AKNA: variants seen among roughly 807,000 people sequenced by gnomAD.
The protein encoded by AKNA is AT-hook transcription factor.
A neutral mutation model predicts 138.8 loss-of-function variants in AKNA; 67 were observed. The ratio of observed to expected loss-of-function variants is 0.48; its 90% CI spans 0.40 to 0.59. AKNA has a LOEUF of 0.59. AKNA is among the 20% of genes least tolerant of loss of function. AKNA has a pLI of 0.00. For synonymous variants in AKNA, 737 were observed against 754.4 expected (o/e 0.98, Z 0.38); for missense variants, 1,813 against 1,880.4 (o/e 0.96, Z 0.66).
At chr9:114,331,975 C>T (rs760655701), downstream of AKNA, 1 of 1,543,122 alleles carries the variant, frequency 6.5e-7, no homozygotes, top group Non-Finnish European at 8.9e-7. Flanking sequence ...CATGGCCCAA[C>T]TTGGGCAGCC....
intron 11 of AKNA, 172 bp from the exon 12 acceptor site, chr9:114,358,339 C>G: frequency 1.3e-6 from 1 of 787,222 alleles, no homozygotes; most frequent in South Asian, 1.9e-5. Flanking sequence ...CAAGGCACTT[C>G]CCCTCTCTCA....
chr9:114,385,024 A>C (rs936748536), intron 1 of AKNA, among the ~76,000 whole-genome samples: 1 of 151,866 alleles, frequency 6.6e-6, no homozygotes, highest in African/African-American at 2.4e-5. Context: ...TAATTTTAAA[A>C]ATTTTTTTTT....
intron 15 of AKNA, chr9:114,348,970 A>G: frequency 4.4e-6 from 2 of 456,174 alleles, no homozygotes; most frequent in Non-Finnish European, 8.8e-6. Context: ...TGTCAGAAGG[A>G]GTGGAGGCCT....
upstream of AKNA, among the ~76,000 whole-genome samples, chr9:114,395,548 C>T (rs1037612220): frequency 6.6e-6 from 1 of 151,884 alleles, no homozygotes; most frequent in East Asian, 1.9e-4. Flanking sequence ...TAACTCACAC[C>T]GTACACTACA....
chr9:114,352,621 C>T (rs1240491954), intron 14 of AKNA, among the ~76,000 whole-genome samples: 1 of 147,352 alleles, frequency 6.8e-6, no homozygotes, highest in African/African-American at 2.5e-5. Flanking sequence ...TAATTAAAAA[C>T]GTTTTTAAAA....
At chr9:114,350,522 T>C (rs1470346328) in intron 15 of AKNA, among the ~76,000 whole-genome samples, 2 of 152,190 alleles carry the variant, frequency 1.3e-5, no homozygotes, top group African/African-American at 4.8e-5. Context: ...TCTTGGTCCA[T>C]ACAATCAATG....
upstream of AKNA, among the ~76,000 whole-genome samples, chr9:114,395,129 G>A (rs1207813915): frequency 6.6e-6 from 1 of 152,196 alleles, no homozygotes; most frequent in Admixed American, 6.5e-5. Context: ...GAGTGAGAAT[G>A]TGAGACTTTG....
chr9:114,390,890 A>C (rs569281905), upstream of AKNA, among the ~76,000 whole-genome samples: 3 of 152,336 alleles, frequency 2.0e-5, no homozygotes, highest in African/African-American at 4.8e-5. Flanking sequence ...GGGACTCCCC[A>C]TTTGGAACTA....
intron 18 of AKNA, 42 bp downstream of exon 18, chr9:114,345,821 C>A (rs752446663): frequency 6.3e-7 from 1 of 1,599,612 alleles, no homozygotes; most frequent in South Asian, 1.1e-5. Flanking sequence ...CCCCCGCTGA[C>A]ACCAGGAGCT....
intron 15 of AKNA, chr9:114,349,083 C>CG (rs1830916947): frequency 2.4e-6 from 1 of 417,982 alleles, no homozygotes; most frequent in Non-Finnish European, 4.9e-6. Context: ...GGCAAAGCCA[C>CG]GAGGGCAAGT....
At chr9:114,341,984 G>T in intron 20 of AKNA, 25 bp downstream of exon 20, 1 of 1,592,268 alleles carries the variant, frequency 6.3e-7, no homozygotes, top group Non-Finnish European at 8.6e-7. Context: ...GTCTGGCTAA[G>T]AGAAGAAACA....
At chr9:114,347,200 T>G (rs370123805) in intron 16 of AKNA, among the ~76,000 whole-genome samples, 10 of 152,074 alleles carry the variant, frequency 6.6e-5, no homozygotes, top group African/African-American at 2.4e-4. Flanking sequence ...TCTAGGGATA[T>G]TCATTGTATT....
chr9:114,341,737 G>A lies in AKNA; in HGVS notation c.3875-12C>T. The stretch of plus-strand genomic sequence containing the variant: ...GGCCTTCTCTGCCCCTATCAGGGAG[G>A]GAACAGCACAGAGAGACAGAGTCTG... On this transcript the variant is annotated splice_polypyrimidine_tract_variant and intron_variant, in intron 20 of 21. Transcript: ENST00000374088. The A allele has an allele frequency of 6.5e-7, 1 of 1,548,728 alleles. No individual in the cohort carries two copies. The highest frequency in any genetic ancestry group is 2.1e-5 in the Admixed American group (1 of 48,706).
In AKNA at chr9:114,343,739, G is replaced by T. The variant is rs762251074; in HGVS notation, c.3726C>A (p.Pro1242=). The change falls in exon 19 of 22, where the codon CCC becomes CCA. Residue 1242 remains proline, a synonymous_variant. Coordinates refer to ENST00000374088, the MANE Select transcript of AKNA (RefSeq NM_001317950.2). ...CCTGGGTCCTAATGGGCCGGCAGTG[G>T]GGACAGGAGACTGTGCCATTGCCTT... ...VPKGNGTVSC[P]HCRPIRTQDA... The T allele has an allele frequency of 1.9e-6, 3 of 1,614,218 alleles. No homozygotes were observed. Among genetic ancestry groups the T allele is most frequent in the South Asian group, 1.1e-5 (1 of 91,086 alleles).
At chr9:114,339,860 G>T (rs924602533) in intron 21 of AKNA, among the ~76,000 whole-genome samples, 4 of 152,192 alleles carry the variant, frequency 2.6e-5, no homozygotes, top group African/African-American at 9.7e-5. Context: ...GCTTTGGGAG[G>T]CCAATGCGGG....
intron 1 of AKNA, 30 bp downstream of exon 1, chr9:114,387,830 C>T: frequency 2.3e-6 from 1 of 436,842 alleles, no homozygotes; most frequent in Non-Finnish European, 4.7e-6. Flanking sequence ...AAAGCGGCCT[C>T]CCGGGCCCTC....
At chr9:114,347,334 C>T (rs1394497815) in intron 16 of AKNA, among the ~76,000 whole-genome samples, 1 of 152,136 alleles carries the variant, frequency 6.6e-6, no homozygotes, top group Non-Finnish European at 1.5e-5. Flanking sequence ...ATTCTCCTGC[C>T]TCAGCCTCCT....
chr9:114,337,226 C>G lies in AKNA; in HGVS notation c.4148G>C (p.Arg1383Thr), dbSNP rs771760929. The change falls in exon 22 of 22, where the codon AGA becomes ACA. Residue 1383 changes from arginine to threonine, a missense_variant. Transcript: ENST00000374088. Reference protein sequence around the residue: ...PPTASPPPARRHRHSIQLDLG... With the variant: ...PPTASPPPARTHRHSIQLDLG... ...GTCGAGCTGGATGGAGTGCCGGTGT[C>G]TCCGGGCTGGTGGGGGAGAGGCTGT... 1.5e-5 allele frequency: 24 copies of G among 1,579,320 alleles called. No homozygotes were observed. The Admixed American group carries it at 2.4e-4, about 16-fold the overall frequency.
intron 7 of AKNA, 94 bp from the exon 8 acceptor site, chr9:114,362,627 A>G: frequency 1.4e-6 from 2 of 1,440,406 alleles, no homozygotes; most frequent in Non-Finnish European, 1.8e-6. Flanking sequence ...GCGGGAGGCC[A>G]TGGGATGCAC....
Sources: gnomAD v4.1 joint callset for allele counts (sites outside exome capture counted in the v4.1 genomes callset) on GRCh38, gnomAD v4.1.1 for gene constraint, MANE v1.5 for transcripts, NCBI Gene and HGNC (gene_info 2026-07-23, HGNC 2026-07-21) for gene names.